The following PCDHGA12 variants were observed in gnomAD, a reference collection of about 807,000 sequenced individuals.
PCDHGA12 encodes the protein protocadherin gamma subfamily A, 12.
A neutral mutation model predicts 61.1 loss-of-function variants in PCDHGA12; 43 were observed. The observed-to-expected ratio is 0.70, with a 90% confidence interval of 0.55 to 0.91. The LOEUF (loss-of-function observed/expected upper bound fraction) is 0.91, where lower values mean the gene tolerates loss of function less well. PCDHGA12 is among the 40% of genes least tolerant of loss of function. PCDHGA12 has a pLI of 0.00. For synonymous variants in PCDHGA12, 520 were observed against 542.9 expected (o/e 0.96, Z 0.59); for missense variants, 1,236 against 1,227.7 (o/e 1.01, Z -0.10).
intron 1 of PCDHGA12, among the ~76,000 whole-genome samples, chr5:141,455,803 A>G (rs1197986124): frequency 6.6e-6 from 1 of 152,068 alleles, no homozygotes; most frequent in Non-Finnish European, 1.5e-5. Context: ...TGCTTTAAAA[A>G]ATGAAAACTT....
At position 141,431,493 on chromosome 5, in the gene PCDHGA12, C is replaced by G. The variant is rs1281626711; in HGVS notation, c.734C>G (p.Pro245Arg). The change falls in exon 1 of 4, where the codon CCC becomes CGC. Residue 245 changes from proline (P) to arginine (R), a missense_variant. Transcript: ENST00000252085. The surrounding 1 kb of genome is among the most constrained non-coding windows in gnomAD (Gnocchi z 4.8). ...ANDNAPAFAQ[P>R]EYRASVPENL... ...GACAACGCACCAGCGTTTGCTCAGC[C>G]CGAGTACCGCGCGAGCGTTCCGGAG... 1 of 1,613,994 alleles carries G rather than the reference C, an allele frequency of 6.2e-7. No individual in the cohort carries two copies. The highest frequency in any genetic ancestry group is 8.5e-7 in the Non-Finnish European group (1 of 1,180,042).
Position 141,511,029 on chromosome 5 carries a change from G to A in PCDHGA12, c.2655G>A (p.Leu885=), listed in dbSNP as rs1372346241. The part of the protein sequence containing the change: ...LSARYGPQFT[L]QHVPDYRQNV... ...CCCGCTACGGACCCCAGTTCACCCT[G>A]CAGCACGTGCCCGACTACCGCCAGA... The change falls in exon 4 of 4, where the codon CTG becomes CTA. Residue 885 remains leucine, a synonymous_variant. Transcript: ENST00000252085. 6.2e-7 allele frequency: 1 copy of A among 1,614,078 alleles called. No individual in the cohort carries two copies. Among genetic ancestry groups the A allele is most frequent in the Non-Finnish European group, 8.5e-7 (1 of 1,180,032 alleles).
intron 1 of PCDHGA12, among the ~76,000 whole-genome samples, chr5:141,481,950 T>C (rs1378337886): frequency 2.7e-5 from 4 of 146,216 alleles, no homozygotes; most frequent in Admixed American, 1.4e-4. Flanking sequence ...CCAGATGTGG[T>C]GGCAGGTGCC....
In PCDHGA12 at chr5:141,511,217, C is replaced by A. The variant is rs766814445; in HGVS notation, c.*44C>A. On this transcript the variant is annotated 3_prime_UTR_variant, in exon 4 of 4. Transcript: ENST00000252085. ...AGCCACAGGGCGGCCTCTCCCCAAC[C>A]AGCCCAGCTTCTCCTTACCTGCACC... The A allele has an allele frequency of 2.5e-6, 4 of 1,607,588 alleles. No homozygotes were observed. Among genetic ancestry groups the A allele is most frequent in the Non-Finnish European group, 3.4e-6 (4 of 1,177,026 alleles).
intron 1 of PCDHGA12, chr5:141,441,751 A>G (rs946329290): frequency 5.3e-6 from 2 of 378,094 alleles, no homozygotes; most frequent in African/African-American, 2.2e-5. Flanking sequence ...CTCGGCGTCA[A>G]CGTGAGCCTG....
Position 141,481,770 on chromosome 5 carries a change from G to T in PCDHGA12, c.2425-13037G>T, listed in dbSNP as rs188953511. 6.1e-3 allele frequency among the ~76,000 whole-genome samples: 929 copies of T among 152,184 alleles called. 10 individuals are homozygous for T. Among genetic ancestry groups the T allele is most frequent in the African/African-American group, 0.022 (895 of 41,516 alleles). On this transcript the variant is annotated intron_variant, in intron 1 of 3. Coordinates refer to ENST00000252085, the MANE Select transcript of PCDHGA12 (RefSeq NM_003735.3). ...AGTCCAAGACCAGCCTGGCCAACAT[G>T]GTGAAACCCCGTCTCTACTAAAAAT... is the stretch of plus-strand genomic sequence containing the variant.
At chr5:141,466,684 G>A (rs1337230884) in intron 1 of PCDHGA12, among the ~76,000 whole-genome samples, 1 of 152,034 alleles carries the variant, frequency 6.6e-6, no homozygotes, top group Non-Finnish European at 1.5e-5. Flanking sequence ...TTCCACTCAA[G>A]CTTCATCATA....
chr5:141,505,053 T>C (rs904041070), intron 2 of PCDHGA12, among the ~76,000 whole-genome samples: 2 of 152,108 alleles, frequency 1.3e-5, no homozygotes, highest in African/African-American at 4.8e-5. Context: ...TCCCAGCTAC[T>C]TGGGAGACTG....
chr5:141,476,049 C>T lies in PCDHGA12; in HGVS notation c.2425-18758C>T. 2.0e-6 allele frequency: 3 copies of T among 1,501,848 alleles called. No homozygotes were observed. The South Asian group carries it at 4.0e-5, about 20-fold the overall frequency. 93.0% of individuals were successfully genotyped at this position (1,501,848 alleles called of 1,614,324 possible). ...CGCCCAGCGCCCAAGCGCTAACCCG[C>T]TGAAAGTTTCTCAGCGAAATCTCAG... On this transcript the variant is annotated intron_variant, in intron 1 of 3. Coordinates refer to ENST00000252085, the MANE Select transcript of PCDHGA12 (RefSeq NM_003735.3). This position sits in a 1 kb window ranked among gnomAD's most constrained non-coding sequence, Gnocchi z 7.6.
rs766191511 is a variant in PCDHGA12, at chr5:141,432,498, G to T, written c.1739G>T (p.Arg580Leu). ...TCCACTGGCGTGGAGCTGGCTCCCC[G>T]CTCCGCAGAGCCCGGCTACCTGGTG... ...DGSTGVELAP[R>L]SAEPGYLVTK... The change falls in exon 1 of 4, where the codon CGC becomes CTC. Residue 580 changes from arginine (R) to leucine (L), a missense_variant. By Grantham distance (102) the Arg-to-Leu change is moderately radical (BLOSUM62 -2). Coordinates refer to ENST00000252085, the MANE Select transcript of PCDHGA12 (RefSeq NM_003735.3). The surrounding 1 kb of genome is among the most constrained non-coding windows in gnomAD (Gnocchi z 6.0). The T allele has an allele frequency of 6.2e-7, 1 of 1,614,106 alleles. No homozygotes were observed. The highest frequency in any genetic ancestry group is 8.5e-7 in the Non-Finnish European group (1 of 1,180,052).
chr5:141,468,486 TG>T (rs1562016448), intron 1 of PCDHGA12: 14 of 152,288 alleles, frequency 9.2e-5, no homozygotes. Context: ...GTAGGTCTCA[TG>T]GAAGATTTTC....
rs1342473418 is a variant in PCDHGA12, at chr5:141,477,702, A to G, written c.2425-17105A>G. On this transcript the variant is annotated intron_variant, in intron 1 of 3. Transcript: ENST00000252085. The surrounding 1 kb of genome is among the most constrained non-coding windows in gnomAD (Gnocchi z 4.9). Reference sequence around the variant, plus strand: ...TCCTTAGTGCCCCTAGACTATGAGGATCGGCGGGAATTTGAATTAACAGCT... The same window carrying G: ...TCCTTAGTGCCCCTAGACTATGAGGGTCGGCGGGAATTTGAATTAACAGCT... The G allele has an allele frequency of 1.9e-6, 3 of 1,613,924 alleles. No individual in the cohort carries two copies. Among genetic ancestry groups the G allele is most frequent in the Non-Finnish European group, 2.5e-6 (3 of 1,180,044 alleles).
chr5:141,483,648 T>TTGTGTGTGTGTG (rs111458813), intron 1 of PCDHGA12, among the ~76,000 whole-genome samples: 51 of 149,708 alleles, frequency 3.4e-4, no homozygotes, highest in African/African-American at 1.2e-3. Context: ...GGGTGTGTGT[T>TTGTGTGTGTGTG]TGTGTGTGTG....
Position 141,433,033 on chromosome 5 carries a change from C to A in PCDHGA12, c.2274C>A (p.Ser758=). ...AFLQTYSHEV[S]LTTDSRKSHL... ...TGCAGACCTATTCCCACGAGGTTTC[C>A]CTCACCACGGACTCGCGGAAGAGTC... is the stretch of plus-strand genomic sequence containing the variant. Residue 758 remains serine, a synonymous_variant, in exon 1 of 4, where the codon TCC becomes TCA. Transcript: ENST00000252085. 2 of 1,614,164 alleles carry A rather than the reference C, an allele frequency of 1.2e-6. No individual in the cohort carries two copies. The highest frequency in any genetic ancestry group is 1.7e-6 in the Non-Finnish European group (2 of 1,180,016).
In PCDHGA12 at chr5:141,489,152, A is replaced by C; in HGVS notation, c.2425-5655A>C. The C allele has an allele frequency of 2.1e-6, 2 of 960,350 alleles. No individual in the cohort carries two copies. Among genetic ancestry groups the C allele is most frequent in the Non-Finnish European group, 3.1e-6 (2 of 640,552 alleles). 59.5% of individuals were successfully genotyped at this position (960,350 alleles called of 1,614,324 possible). A position where few individuals can be genotyped will look rare whatever the true frequency, so the allele number is the denominator to read the frequency against. On this transcript the variant is annotated intron_variant, in intron 1 of 3. Transcript: ENST00000252085. This position sits in a 1 kb window ranked among gnomAD's most constrained non-coding sequence, Gnocchi z 4.5. The stretch of plus-strand genomic sequence containing the variant: ...TTTTAAGAGGCTGGAAGGAGACATA[A>C]GAGACTTCAGCTGCTGCATTCCAAG...
rs747917835 is a variant in PCDHGA12 at position 141,487,659 on chromosome 5, AT to A, written c.2425-7147del. 3.7e-6 allele frequency: 6 copies of A among 1,613,466 alleles called. No homozygotes were observed. Among genetic ancestry groups the A allele is most frequent in the Non-Finnish European group, 5.1e-6 (6 of 1,179,716 alleles). On this transcript the variant is annotated intron_variant, in intron 1 of 3. Coordinates refer to ENST00000252085, the MANE Select transcript of PCDHGA12 (RefSeq NM_003735.3). This position sits in a 1 kb window ranked among gnomAD's most constrained non-coding sequence, Gnocchi z 5.0. ...CAACAAATGCTTGAGGGTTATTCTGATCCAGGCATATGGCTAGGCCATGTCC... is the reference window on the plus strand; with the variant it reads ...CAACAAATGCTTGAGGGTTATTCTGACCAGGCATATGGCTAGGCCATGTCC...
At chr5:141,458,563 G>T (rs1181785251) in intron 1 of PCDHGA12, among the ~76,000 whole-genome samples, 1 of 140,116 alleles carries the variant, frequency 7.1e-6, no homozygotes, top group Non-Finnish European at 1.5e-5. Context: ...TTTTGGTTTT[G>T]GGTTTTTGTT....
At chr5:141,446,390 G>A (rs2098500089) in intron 1 of PCDHGA12, among the ~76,000 whole-genome samples, 1 of 152,284 alleles carries the variant, frequency 6.6e-6, no homozygotes, top group African/African-American at 2.4e-5. Context: ...ATAGATTTAA[G>A]AGAAATCGAG....
chr5:141,432,449 T>C lies in PCDHGA12; in HGVS notation c.1690T>C (p.Tyr564His). 5.6e-6 allele frequency: 9 copies of C among 1,614,220 alleles called. No individual in the cohort carries two copies. The highest frequency in any genetic ancestry group is 7.6e-6 in the Non-Finnish European group (9 of 1,180,038). Residue 564 changes from tyrosine (Y) to histidine (H), a missense_variant, in exon 1 of 4, where the codon TAC (tyrosine) becomes CAC (histidine). Coordinates refer to ENST00000252085, the MANE Select transcript of PCDHGA12 (RefSeq NM_003735.3). The surrounding 1 kb of genome is among the most constrained non-coding windows in gnomAD (Gnocchi z 6.0). The part of the protein sequence containing the change: ...DQNDNAPEIL[Y>H]PALPTDGSTG... The stretch of plus-strand genomic sequence containing the variant: ...GAACGACAATGCGCCCGAGATCCTG[T>C]ACCCCGCCCTCCCCACGGACGGTTC...
Sources: gnomAD v4.1 joint callset for allele counts (sites outside exome capture counted in the v4.1 genomes callset) on GRCh38, gnomAD v4.1.1 for gene constraint, Gnocchi (gnomAD v3.1) non-coding constraint, MANE v1.5 for transcripts, NCBI Gene and HGNC (gene_info 2026-07-23, HGNC 2026-07-21) for gene names.